EVI5: variants seen among roughly 807,000 people sequenced by gnomAD.
EVI5 encodes the protein ecotropic viral integration site 5 protein homolog.
Under a neutral mutation model 112.0 loss-of-function variants are expected in EVI5, and 73 were observed. The observed-to-expected ratio is 0.65, with a 90% confidence interval of 0.54 to 0.79. The LOEUF (loss-of-function observed/expected upper bound fraction) is 0.79, where lower values mean the gene tolerates loss of function less well. Among genes scored for constraint, EVI5 ranks in the 30% least tolerant of loss-of-function variants. EVI5 has a pLI of 0.00. For synonymous variants in EVI5, 305 were observed against 319.9 expected, an observed-to-expected ratio of 0.95 and a Z score of 0.50; for missense variants, 900 against 968.8, an observed-to-expected ratio of 0.93 and a Z score of 0.94.
At chr1:92,773,732 C>T (rs1683751448) in intron 1 of EVI5, among the ~76,000 whole-genome samples, 1 of 152,156 alleles carries the variant, frequency 6.6e-6, no homozygotes, top group Admixed American at 6.5e-5. Context: ...TTTATCAAAA[C>T]TCATTAAATT....
chr1:92,592,679 T>C (rs1365896920), intron 18 of EVI5, among the ~76,000 whole-genome samples: 1 of 151,876 alleles, frequency 6.6e-6, no homozygotes, highest in Non-Finnish European at 1.5e-5. Flanking sequence ...CTAGCAAGAC[T>C]AATAAAGAAG....
chr1:92,761,395 C>A (rs1652291570), intron 1 of EVI5, among the ~76,000 whole-genome samples: 1 of 152,094 alleles, frequency 6.6e-6, no homozygotes, highest in South Asian at 2.1e-4. Context: ...CAGTTCTTTT[C>A]TTATTTGCCT....
At chr1:92,608,533 G>A (rs994286313) in intron 16 of EVI5, among the ~76,000 whole-genome samples, 5 of 151,880 alleles carry the variant, frequency 3.3e-5, no homozygotes, top group Non-Finnish European at 5.9e-5. Flanking sequence ...GTGAAACCCC[G>A]TATCTACTAA....
intron 19 of EVI5, among the ~76,000 whole-genome samples, chr1:92,530,694 AG>A (rs1662725254): frequency 1.3e-5 from 2 of 151,876 alleles, no homozygotes; most frequent in Admixed American, 1.3e-4. Context: ...TGCAGCAGAG[AG>A]GCCTGTCAGA....
intron 19 of EVI5, among the ~76,000 whole-genome samples, chr1:92,549,487 A>G (rs1476873126): frequency 6.6e-6 from 1 of 151,724 alleles, no homozygotes; most frequent in African/African-American, 2.4e-5. Context: ...CAAAAGCCAA[A>G]ATTGACAAAT....
chr1:92,717,612 G>A (rs887740061), intron 2 of EVI5, among the ~76,000 whole-genome samples: 4 of 152,090 alleles, frequency 2.6e-5, no homozygotes, highest in Admixed American at 6.5e-5. Context: ...AAAGACCATC[G>A]ACACTATGAA....
intron 14 of EVI5, among the ~76,000 whole-genome samples, chr1:92,631,925 T>G (rs549312484): frequency 6.6e-6 from 1 of 152,360 alleles, no homozygotes; most frequent in South Asian, 2.1e-4. Flanking sequence ...CTTTTCTGCA[T>G]CTATTGAGAT....
At chr1:92,564,394 T>C (rs1348759918) in intron 18 of EVI5, among the ~76,000 whole-genome samples, 3 of 152,122 alleles carry the variant, frequency 2.0e-5, no homozygotes, top group African/African-American at 7.2e-5. Flanking sequence ...CCATATTCTT[T>C]CATTCTTGGG....
chr1:92,620,663 C>T (rs182181325), intron 16 of EVI5, among the ~76,000 whole-genome samples: 92 of 152,100 alleles, frequency 6.0e-4, no homozygotes, highest in Non-Finnish European at 1.2e-3. Flanking sequence ...ATTCAATATC[C>T]TGCAAATATA....
At chr1:92,703,168 TC>T (rs1364824631) in intron 4 of EVI5, among the ~76,000 whole-genome samples, 1 of 152,134 alleles carries the variant, frequency 6.6e-6, no homozygotes, top group African/African-American at 2.4e-5. Context: ...TTTAAGCTAT[TC>T]CATTTCCATC....
intron 16 of EVI5, 141 bp downstream of exon 16, chr1:92,624,035 C>T: frequency 3.0e-6 from 2 of 663,692 alleles, no homozygotes; most frequent in Non-Finnish European, 5.1e-6. Flanking sequence ...TTTTTGCCAT[C>T]TTCATTTGGG....
intron 14 of EVI5, among the ~76,000 whole-genome samples, chr1:92,630,899 T>C (rs940290431): frequency 5.3e-5 from 8 of 152,012 alleles, no homozygotes; most frequent in African/African-American, 1.9e-4. Context: ...CTAGCCAGTT[T>C]TCCCAGCACC....
intron 13 of EVI5, among the ~76,000 whole-genome samples, chr1:92,636,720 A>C (rs1354415010): frequency 4.6e-5 from 7 of 152,234 alleles, no homozygotes; most frequent in Non-Finnish European, 1.0e-4. Flanking sequence ...TGAACACTTG[A>C]AATGTGGCTA....
At chr1:92,637,624 A>C (rs943889625) in intron 13 of EVI5, among the ~76,000 whole-genome samples, 2 of 152,206 alleles carry the variant, frequency 1.3e-5, no homozygotes, top group Non-Finnish European at 2.9e-5. Flanking sequence ...TAAATTGTCT[A>C]TCACTTCACA....
At chr1:92,622,288 T>A (rs1353587014) in intron 16 of EVI5, 4 of 443,500 alleles carry the variant, frequency 9.0e-6, no homozygotes, top group Non-Finnish European at 1.8e-5. Context: ...CCTTTGTACT[T>A]GGTTTTACGC....
chr1:92,624,427 A>G, intron 15 of EVI5, 93 bp from the exon 16 acceptor site: 2 of 947,746 alleles, frequency 2.1e-6, no homozygotes. Context: ...TGTGATATAT[A>G]AAACACTTTC....
chr1:92,787,994 G>GA (rs990914096), upstream of EVI5, among the ~76,000 whole-genome samples: 2 of 151,756 alleles, frequency 1.3e-5, no homozygotes, highest in African/African-American at 2.4e-5. Flanking sequence ...AATCTGTGGT[G>GA]AAAAAAAATC....
chr1:92,561,081 T>C (rs527292991), intron 19 of EVI5, among the ~76,000 whole-genome samples: 46 of 152,302 alleles, frequency 3.0e-4, no homozygotes, highest in Non-Finnish European at 4.9e-4. Flanking sequence ...CTGAAATGTT[T>C]AAGTGACCAG....
chr1:92,583,510 CAAAAAAAA>C (rs71091290), intron 18 of EVI5, among the ~76,000 whole-genome samples: 8 of 55,386 alleles, frequency 1.4e-4, no homozygotes, highest in African/African-American at 5.5e-4. Context: ...GGCTCTGTCT[CAAAAAAAA>C]AAAAAAAAAA....
Sources: gnomAD v4.1 joint callset for allele counts (sites outside exome capture counted in the v4.1 genomes callset) on GRCh38, gnomAD v4.1.1 for gene constraint, MANE v1.5 for transcripts, NCBI Gene and HGNC (gene_info 2026-07-23, HGNC 2026-07-21) for gene names.